PAPPA: variants seen among roughly 807,000 people sequenced by gnomAD.
PAPPA encodes pappalysin 1, also known as pappalysin-1.
PAPPA carries 60 observed loss-of-function variants against 164.0 expected under a neutral mutation model. The ratio of observed to expected loss-of-function variants is 0.37; its 90% CI spans 0.30 to 0.45. The LOEUF is 0.45. Ranked by LOEUF, PAPPA falls within the 20% of genes least tolerant of loss-of-function variation. PAPPA has a pLI of 1.00. For synonymous variants in PAPPA, 875 were observed against 814.1 expected, an observed-to-expected ratio of 1.07 and a Z score of -1.27; for missense variants, 1,782 against 2,087.3, an observed-to-expected ratio of 0.85 and a Z score of 2.85.
intron 1 of PAPPA, among the ~76,000 whole-genome samples, chr9:116,155,930 G>C (rs984677078): frequency 1.3e-5 from 2 of 151,740 alleles, no homozygotes; most frequent in African/African-American, 4.8e-5. Context: ...GGAAGAAGAA[G>C]GAGACTGAAC....
intron 9 of PAPPA, among the ~76,000 whole-genome samples, chr9:116,291,374 AT>A (rs1450080613): frequency 2.0e-5 from 3 of 152,134 alleles, no homozygotes; most frequent in Non-Finnish European, 4.4e-5. Context: ...TTTGTGTAGA[AT>A]TGGATTTTCC....
At chr9:116,309,912 A>G (rs2118904904) in intron 10 of PAPPA, among the ~76,000 whole-genome samples, 1 of 152,178 alleles carries the variant, frequency 6.6e-6, no homozygotes, top group South Asian at 2.1e-4. Context: ...TTTTGCATAG[A>G]TTTCAGAACA....
intron 4 of PAPPA, among the ~76,000 whole-genome samples, chr9:116,216,477 C>T (rs573087314): frequency 7.1e-4 from 108 of 152,262 alleles, no homozygotes; most frequent in African/African-American, 2.3e-3. Context: ...GTGCTGAAGT[C>T]CCGAAGTTCT....
intron 4 of PAPPA, among the ~76,000 whole-genome samples, chr9:116,217,941 C>G (rs969192090): frequency 2.0e-5 from 3 of 152,170 alleles, no homozygotes; most frequent in Non-Finnish European, 4.4e-5. Context: ...TATTTGGTGG[C>G]TTTTCCAAAG....
chr9:116,398,496 A>G lies in PAPPA; in HGVS notation c.*1880A>G. 8.9e-7 allele frequency: 1 copy of G among 1,124,632 alleles called. No individual in the cohort carries two copies. Among genetic ancestry groups the G allele is most frequent in the Non-Finnish European group, 1.1e-6 (1 of 875,016 alleles). The allele number at this position is 1,124,632 out of a possible 1,614,324, so 69.7% of individuals were successfully genotyped here. A position where few individuals can be genotyped will look rare whatever the true frequency, so the allele number is the denominator to read the frequency against. On this transcript the variant is annotated 3_prime_UTR_variant, in exon 22 of 22. Transcript: ENST00000328252. ...ATAGCACTTAAAAAAAAAAAAAAAA[A>G]GAGACCAAAAATAACTTTAGGAACC...
chr9:116,329,347 AT>A (rs937940155), intron 10 of PAPPA, among the ~76,000 whole-genome samples: 4 of 152,144 alleles, frequency 2.6e-5, no homozygotes, highest in Non-Finnish European at 4.4e-5. Context: ...AACAGTTTGG[AT>A]TTTTTTTAAT....
At chr9:116,366,286 G>A (rs1057400064) in intron 18 of PAPPA, among the ~76,000 whole-genome samples, 1 of 152,100 alleles carries the variant, frequency 6.6e-6, no homozygotes, top group African/African-American at 2.4e-5. Flanking sequence ...GAATGAATGA[G>A]CTGAATTACA....
intron 19 of PAPPA, chr9:116,373,821 C>T (rs535307790): frequency 2.0e-5 from 3 of 152,262 alleles, no homozygotes; most frequent in East Asian, 1.9e-4. Context: ...TGCTGACTGT[C>T]ACTACCTATG....
intron 7 of PAPPA, among the ~76,000 whole-genome samples, chr9:116,263,027 T>C (rs926587485): frequency 3.3e-5 from 5 of 152,196 alleles, no homozygotes; most frequent in Admixed American, 3.3e-4. Context: ...GCTGTACCCA[T>C]CCCACTGTCC....
At chr9:116,357,732 G>C (rs1306680049) in intron 17 of PAPPA, among the ~76,000 whole-genome samples, 5 of 152,182 alleles carry the variant, frequency 3.3e-5, no homozygotes, top group African/African-American at 7.2e-5. Flanking sequence ...TAGGCCTGTG[G>C]GGGCTTTATA....
chr9:116,241,196 T>C (rs2118758225), intron 7 of PAPPA, among the ~76,000 whole-genome samples: 1 of 152,326 alleles, frequency 6.6e-6, no homozygotes, highest in East Asian at 1.9e-4. Flanking sequence ...ATTCACTTGC[T>C]CAGCAAGTAT....
At chr9:116,163,086 G>A (rs1345975129) in intron 1 of PAPPA, among the ~76,000 whole-genome samples, 1 of 152,152 alleles carries the variant, frequency 6.6e-6, no homozygotes, top group Non-Finnish European at 1.5e-5. Flanking sequence ...CTCTGTGCTG[G>A]GTACAGTTTT....
At chr9:116,335,506 G>A (rs1432183404) in intron 13 of PAPPA, among the ~76,000 whole-genome samples, 1 of 152,132 alleles carries the variant, frequency 6.6e-6, no homozygotes, top group Admixed American at 6.5e-5. Flanking sequence ...ACTGGTATTT[G>A]CATCATCCTA....
chr9:116,255,220 GCTCAATGT>G (rs1844914121), intron 7 of PAPPA, among the ~76,000 whole-genome samples: 1 of 151,960 alleles, frequency 6.6e-6, no homozygotes, highest in African/African-American at 2.4e-5. Context: ...CAAAAAGTCA[GCTCAATGT>G]CTTGGAAAGA....
chr9:116,246,796 C>T (rs1844801726), intron 7 of PAPPA, among the ~76,000 whole-genome samples: 1 of 152,156 alleles, frequency 6.6e-6, no homozygotes, highest in Non-Finnish European at 1.5e-5. Context: ...GGGAGGACTG[C>T]TTGAGCCAAA....
intron 4 of PAPPA, among the ~76,000 whole-genome samples, chr9:116,218,805 T>C (rs1444284358): frequency 6.6e-6 from 1 of 152,194 alleles, no homozygotes; most frequent in African/African-American, 2.4e-5. Flanking sequence ...ACCCCAGATG[T>C]ATCCCTAGCT....
intron 6 of PAPPA, 45 bp from the exon 7 acceptor site, chr9:116,235,094 A>T: frequency 1.2e-6 from 2 of 1,610,706 alleles, no homozygotes; most frequent in Non-Finnish European, 1.7e-6. Flanking sequence ...GGATGGGAAT[A>T]AAGCTCTTTC....
intron 17 of PAPPA, among the ~76,000 whole-genome samples, chr9:116,360,278 G>A (rs1039852660): frequency 3.3e-5 from 5 of 152,180 alleles, no homozygotes; most frequent in African/African-American, 9.7e-5. Flanking sequence ...GAGAGTCTGG[G>A]CTCTTTGAAG....
intron 1 of PAPPA, among the ~76,000 whole-genome samples, chr9:116,162,462 G>T (rs904546686): frequency 2.0e-5 from 3 of 152,196 alleles, no homozygotes; most frequent in Non-Finnish European, 4.4e-5. Context: ...ACCTGCAGGA[G>T]CATATGTTTA....
Sources: gnomAD v4.1 joint callset for allele counts (sites outside exome capture counted in the v4.1 genomes callset) on GRCh38, gnomAD v4.1.1 for gene constraint, MANE v1.5 for transcripts, NCBI Gene and HGNC (gene_info 2026-07-23, HGNC 2026-07-21) for gene names.